TSPAN11: variants seen among roughly 807,000 people sequenced by gnomAD.
TSPAN11 encodes the protein tetraspanin-11.
Under a neutral mutation model 32.9 loss-of-function variants are expected in TSPAN11, and 29 were observed. The observed-to-expected ratio is 0.88, with a 90% CI of 0.66 to 1.20. The LOEUF (loss-of-function observed/expected upper bound fraction) is 1.20, where lower values mean the gene tolerates loss of function less well. Among genes scored for constraint, TSPAN11 ranks in the 50% most tolerant of loss-of-function variants. The probability of loss-of-function intolerance (pLI) is 0.00; values close to 1 mark genes in which losing one functional copy is unlikely to be tolerated. For missense variants in TSPAN11, 283 were observed against 329.1 expected (o/e 0.86, Z 1.08); for synonymous variants, 140 against 141.3 (o/e 0.99, Z 0.07).
the TSPAN11 span, among the ~76,000 whole-genome samples, chr12:31,005,289 A>G: frequency 1.3e-5 from 2 of 152,264 alleles, no homozygotes; most frequent in Non-Finnish European, 2.9e-5. Context: ...AGGTATAAAA[A>G]GCCTGGCGAG....
chr12:30,943,669 T>C (rs1035034285), intron 1 of TSPAN11, among the ~76,000 whole-genome samples: 4 of 152,190 alleles, frequency 2.6e-5, no homozygotes, highest in African/African-American at 9.6e-5. Context: ...CTTGCTTGAT[T>C]CTCACACAAA....
intron 2 of TSPAN11, among the ~76,000 whole-genome samples, chr12:30,963,318 G>A (rs752101858): frequency 7.2e-5 from 11 of 152,152 alleles, no homozygotes; most frequent in Non-Finnish European, 1.0e-4. Flanking sequence ...TTTCTTCCTC[G>A]TAGAGTAGGG....
At chr12:31,010,975 G>T in the TSPAN11 span, among the ~76,000 whole-genome samples, 1 of 152,120 alleles carries the variant, frequency 6.6e-6, no homozygotes, top group Non-Finnish European at 1.5e-5. Flanking sequence ...CTGGCAAGAG[G>T]AGCTAAGAAC....
At chr12:30,926,870 C>G in intron 1 of TSPAN11, 74 bp downstream of exon 1, 1 of 1,187,426 alleles carries the variant, frequency 8.4e-7, no homozygotes, top group African/African-American at 1.6e-5. Flanking sequence ...GGCGCCTCCA[C>G]CTCCGCTGCC....
In TSPAN11 at chr12:30,975,772, A is replaced by T. The variant is rs1938957847; in HGVS notation, c.277-2789A>T. ...CTCACAGCTCACAGTGGTGGTGGAGAGAAGGAAGGTGGAGAGATGCCAGGA... is the reference window on the plus strand; with the variant it reads ...CTCACAGCTCACAGTGGTGGTGGAGTGAAGGAAGGTGGAGAGATGCCAGGA... On this transcript the variant is annotated intron_variant, in intron 3 of 7. Transcript: ENST00000546076. The surrounding 1 kb of genome is among the most constrained non-coding windows in gnomAD (Gnocchi z 4.5). Among the ~76,000 whole-genome samples, 1 of 150,816 alleles carries T rather than the reference A, an allele frequency of 6.6e-6. No individual in the cohort carries two copies. The highest frequency in any genetic ancestry group is 2.0e-4 in the East Asian group (1 of 5,090).
intron 7 of TSPAN11, among the ~76,000 whole-genome samples, chr12:30,990,698 C>T (rs11608878): frequency 0.071 from 10,875 of 152,272 alleles, 494 homozygotes; most frequent in East Asian, 0.15. Flanking sequence ...ACAGGACACA[C>T]GCATCTCCAC....
At chr12:30,933,676 C>T (rs920481185) in intron 1 of TSPAN11, among the ~76,000 whole-genome samples, 5 of 151,872 alleles carry the variant, frequency 3.3e-5, no homozygotes, top group Admixed American at 3.3e-4. Flanking sequence ...ACAGTGGTTG[C>T]AGCTCTAGTG....
chr12:30,966,081 G>T (rs73091904), intron 3 of TSPAN11, among the ~76,000 whole-genome samples: 11,888 of 151,184 alleles, frequency 0.079, 617 homozygotes, highest in Non-Finnish European at 0.12. Flanking sequence ...GCCCAGGGAA[G>T]CCAAAAGATC....
intron 2 of TSPAN11, among the ~76,000 whole-genome samples, chr12:30,961,026 G>A (rs1938601368): frequency 9.5e-6 from 1 of 104,736 alleles, no homozygotes; most frequent in Admixed American, 9.8e-5. Context: ...GCGACAGAGC[G>A]AGGAAAAAAA....
intron 1 of TSPAN11, among the ~76,000 whole-genome samples, chr12:30,943,976 A>G (rs2140277267): frequency 6.6e-6 from 1 of 152,326 alleles, no homozygotes; most frequent in South Asian, 2.1e-4. Context: ...GTCTTTGGCC[A>G]TCAAGCAGGC....
rs1227763733 is a variant in TSPAN11 at position 30,992,113 on chromosome 12, C to T, written c.*198C>T. ...AGGCAGAGACCCTCGGCCCCCTCTC[C>T]TCCATTTCTGAGCCCCCATGGCCAG... On this transcript the variant is annotated 3_prime_UTR_variant, in exon 8 of 8. Transcript: ENST00000546076. 1 of 631,368 alleles carries T rather than the reference C, an allele frequency of 1.6e-6. No individual in the cohort carries two copies. Among genetic ancestry groups the T allele is most frequent in the Non-Finnish European group, 2.8e-6 (1 of 354,174 alleles). The allele number at this position is 631,368 out of a possible 1,614,324, so 39.1% of individuals were successfully genotyped here. A position where few individuals can be genotyped will look rare whatever the true frequency, so the allele number is the denominator to read the frequency against.
intron 2 of TSPAN11, among the ~76,000 whole-genome samples, chr12:30,958,888 C>T (rs1938553336): frequency 6.6e-6 from 1 of 152,068 alleles, no homozygotes; most frequent in Non-Finnish European, 1.5e-5. Context: ...ATGAGAGTAA[C>T]CAAGCATCAG....
In TSPAN11 at chr12:30,945,109, C is replaced by T. The variant is rs371536854; in HGVS notation, c.-11-8872C>T. On this transcript the variant is annotated intron_variant, in intron 1 of 7. Coordinates refer to ENST00000546076, the MANE Select transcript of TSPAN11 (RefSeq NM_001370302.1). ...TGCCCCATCTGACTGGGCAGCCCCT[C>T]CTCCTTTTCTGCCCTCAGAAACCCT... Among the ~76,000 whole-genome samples the T allele has an allele frequency of 2.0e-5, 3 of 152,270 alleles. No homozygotes were observed. The East Asian group carries it at 5.8e-4, about 29-fold the overall frequency.
the TSPAN11 span, among the ~76,000 whole-genome samples, chr12:31,006,637 C>T: frequency 6.6e-6 from 1 of 152,334 alleles, no homozygotes; most frequent in East Asian, 1.9e-4. Context: ...GGTGCAGGCC[C>T]CTGGCATAGG....
intron 1 of TSPAN11, among the ~76,000 whole-genome samples, chr12:30,941,879 C>T (rs1292385358): frequency 2.6e-5 from 4 of 152,380 alleles, no homozygotes; most frequent in African/African-American, 9.6e-5. Flanking sequence ...GGGCTTCTCT[C>T]ACTCTACGGC....
At chr12:30,949,446 T>C (rs112404852) in intron 1 of TSPAN11, among the ~76,000 whole-genome samples, 7,497 of 152,142 alleles carry the variant, frequency 0.049, 489 homozygotes, top group African/African-American at 0.15. Flanking sequence ...AAGGCACTTC[T>C]TACATGGTGG....
chr12:30,954,137 G>A, intron 2 of TSPAN11, 62 bp downstream of exon 2: 1 of 1,256,616 alleles, frequency 8.0e-7, no homozygotes, highest in Non-Finnish European at 1.2e-6. Flanking sequence ...GCCACCTTTT[G>A]TTTTTTTGTG....
At chr12:30,958,785 G>A (rs1938550720) in intron 2 of TSPAN11, among the ~76,000 whole-genome samples, 1 of 152,100 alleles carries the variant, frequency 6.6e-6, no homozygotes, top group South Asian at 2.1e-4. Flanking sequence ...GCAGGGGCAG[G>A]GGCAGTGGCA....
chr12:30,947,447 C>T (rs945956859), intron 1 of TSPAN11, among the ~76,000 whole-genome samples: 1 of 152,090 alleles, frequency 6.6e-6, no homozygotes, highest in Non-Finnish European at 1.5e-5. Flanking sequence ...TAATGACATA[C>T]CTGAGACTGG....
Sources: gnomAD v4.1 joint callset for allele counts (sites outside exome capture counted in the v4.1 genomes callset) on GRCh38, gnomAD v4.1.1 for gene constraint, Gnocchi (gnomAD v3.1) non-coding constraint, MANE v1.5 for transcripts, NCBI Gene and HGNC (gene_info 2026-07-23, HGNC 2026-07-21) for gene names.